RORB: variants seen among roughly 807,000 people sequenced by gnomAD.
The protein encoded by RORB is RAR related orphan receptor B, also known as nuclear receptor ROR-beta.
RORB carries 6 observed loss-of-function variants against 59.1 expected under a neutral mutation model. The ratio of observed to expected loss-of-function variants is 0.10; its 90% CI spans 0.06 to 0.20. The LOEUF is 0.20. Ranked by LOEUF, RORB falls within the 10% of genes least tolerant of loss-of-function variation. The pLI, the probability that RORB is intolerant of heterozygous loss-of-function variation, is 1.00. For missense variants in RORB, 320 were observed against 560.5 expected (o/e 0.57, Z 4.33); for synonymous variants, 215 against 204.5 (o/e 1.05, Z -0.44).
chr9:74,581,225 C>T (rs919163614), intron 1 of RORB, among the ~76,000 whole-genome samples: 4 of 152,060 alleles, frequency 2.6e-5, no homozygotes, highest in Non-Finnish European at 2.9e-5. Context: ...GAAAAGTCTC[C>T]GTGCAATCTC....
chr9:74,510,972 T>A (rs748626868), intron 1 of RORB, among the ~76,000 whole-genome samples: 6 of 152,140 alleles, frequency 3.9e-5, no homozygotes, highest in Non-Finnish European at 7.4e-5. Flanking sequence ...AATATCATAC[T>A]CTTTAGCCCA....
intron 1 of RORB, among the ~76,000 whole-genome samples, chr9:74,601,584 A>G (rs573552590): frequency 6.6e-6 from 1 of 152,154 alleles, no homozygotes; most frequent in African/African-American, 2.4e-5. Flanking sequence ...TGGAAGTTTA[A>G]AAAAGATTAC....
chr9:74,542,076 T>TAA lies in RORB; in HGVS notation c.7+44101_7+44102dup, dbSNP rs113424318. On this transcript the variant is annotated intron_variant, in intron 1 of 9. Transcript: ENST00000376896. ...TATCTTGAAGCAAATGCAATCCTCTTAAAAAAAAATGAAACTTCAATCCAG... is the reference window on the plus strand; with the variant it reads ...TATCTTGAAGCAAATGCAATCCTCTTAAAAAAAAAAATGAAACTTCAATCCAG... Among the ~76,000 whole-genome samples the TAA allele has an allele frequency of 7.9e-4, 119 of 150,934 alleles. 1 individual carries two copies. Among genetic ancestry groups the TAA allele is most frequent in the African/African-American group, 2.8e-3 (116 of 41,122 alleles).
At chr9:74,576,106 G>A (rs562422457) in intron 1 of RORB, among the ~76,000 whole-genome samples, 1 of 152,082 alleles carries the variant, frequency 6.6e-6, no homozygotes, top group African/African-American at 2.4e-5. Flanking sequence ...TCAAGTACAT[G>A]ATTAAGTTGC....
chr9:74,648,901 C>T (rs1307412032), intron 4 of RORB, among the ~76,000 whole-genome samples: 1 of 152,060 alleles, frequency 6.6e-6, no homozygotes, highest in Non-Finnish European at 1.5e-5. Flanking sequence ...CCCTAGTTCA[C>T]TACAACCTGA....
At chr9:74,667,965 A>G (rs1179857817) in intron 8 of RORB, 64 bp downstream of exon 8, 1 of 972,214 alleles carries the variant, frequency 1.0e-6, no homozygotes, top group African/African-American at 1.6e-5. Context: ...AACACTGATG[A>G]CACCTGCCTA....
chr9:74,571,435 G>C (rs1822549967), intron 1 of RORB, among the ~76,000 whole-genome samples: 2 of 149,436 alleles, frequency 1.3e-5, no homozygotes, highest in Admixed American at 6.7e-5. Flanking sequence ...TTAATTACTA[G>C]AGTTGGGGAA....
chr9:74,671,985 C>A, intron 9 of RORB, 84 bp downstream of exon 9: 2 of 697,918 alleles, frequency 2.9e-6, no homozygotes, highest in Non-Finnish European at 4.8e-6. Context: ...AGGGAAATTT[C>A]TCAGCAGCAA....
At chr9:74,567,418 T>C (rs997436637) in intron 1 of RORB, among the ~76,000 whole-genome samples, 26 of 152,184 alleles carry the variant, frequency 1.7e-4, no homozygotes, top group Admixed American at 1.4e-3. Flanking sequence ...CAAGACAACA[T>C]TGAATTGAAC....
At chr9:74,622,241 G>T (rs868553315) in intron 1 of RORB, among the ~76,000 whole-genome samples, 18 of 151,890 alleles carry the variant, frequency 1.2e-4, no homozygotes, top group Admixed American at 3.9e-4. Flanking sequence ...AGAGAAAGGG[G>T]TTTAGAAAAA....
At chr9:74,622,810 C>T (rs571596816) in intron 1 of RORB, among the ~76,000 whole-genome samples, 1 of 152,204 alleles carries the variant, frequency 6.6e-6, no homozygotes, top group African/African-American at 2.4e-5. Context: ...CAGGCATGAG[C>T]CACCGTGCCC....
chr9:74,678,159 A>G (rs1018478300), intron 9 of RORB, among the ~76,000 whole-genome samples: 5 of 152,190 alleles, frequency 3.3e-5, no homozygotes, highest in African/African-American at 1.2e-4. Flanking sequence ...TGAAACTTCA[A>G]GTGATTACAT....
At chr9:74,623,691 G>A (rs112864098) in intron 1 of RORB, among the ~76,000 whole-genome samples, 8 of 152,248 alleles carry the variant, frequency 5.3e-5, no homozygotes, top group South Asian at 2.1e-4. Context: ...TGAGTGAGTC[G>A]TGGTAGTCTG....
Position 74,506,708 on chromosome 9 carries a change from C to G in RORB, c.7+8725C>G, listed in dbSNP as rs957031945. Among the ~76,000 whole-genome samples, 3 of 152,092 alleles carry G rather than the reference C, an allele frequency of 2.0e-5. No homozygotes were observed. In the East Asian group the frequency reaches 5.8e-4, roughly 29 times the overall value. On this transcript the variant is annotated intron_variant, in intron 1 of 9. Transcript: ENST00000376896. The stretch of plus-strand genomic sequence containing the variant: ...ACTTGCAGGCAGCCAAACTGTCACT[C>G]TTGGCCATAACCCTCTGCATTAGCA...
At chr9:74,604,320 A>G (rs1823116489) in intron 1 of RORB, among the ~76,000 whole-genome samples, 1 of 152,226 alleles carries the variant, frequency 6.6e-6, no homozygotes, top group African/African-American at 2.4e-5. Flanking sequence ...GAAAATCAGA[A>G]TAAGCACTTT....
At chr9:74,566,290 C>A (rs1300576194) in intron 1 of RORB, among the ~76,000 whole-genome samples, 1 of 151,866 alleles carries the variant, frequency 6.6e-6, no homozygotes, top group Non-Finnish European at 1.5e-5. Context: ...AAGTTAGAAT[C>A]TCAAAGTCAT....
At chr9:74,603,730 A>C (rs926622014) in intron 1 of RORB, among the ~76,000 whole-genome samples, 1 of 152,232 alleles carries the variant, frequency 6.6e-6, no homozygotes, top group African/African-American at 2.4e-5. Flanking sequence ...ACATGTTATT[A>C]GATAGTTTAT....
In RORB at chr9:74,692,826, A is replaced by G. The variant is rs1824767403; in HGVS notation, c.*7208A>G. The G allele has an allele frequency of 6.6e-6, 1 of 152,328 alleles. No individual in the cohort carries two copies. Among genetic ancestry groups the G allele is most frequent in the Admixed American group, 6.5e-5 (1 of 15,296 alleles). 9.4% of individuals were successfully genotyped at this position (152,328 alleles called of 1,614,324 possible). A position where few individuals can be genotyped will look rare whatever the true frequency, so the allele number is the denominator to read the frequency against. The stretch of plus-strand genomic sequence containing the variant: ...ACCCAGTGACATATATAGTTTTAAA[A>G]TCTACAATTTTCTGATCTCTCTCTC... On this transcript the variant is annotated 3_prime_UTR_variant, in exon 10 of 10. Transcript: ENST00000376896.
chr9:74,647,678 T>A (rs1340631517), intron 4 of RORB, among the ~76,000 whole-genome samples: 1 of 152,204 alleles, frequency 6.6e-6, no homozygotes, highest in Non-Finnish European at 1.5e-5. Flanking sequence ...TTTTTAAAAA[T>A]TCACCTATTA....
Sources: allele counts gnomAD v4.1 joint callset (sites outside exome capture counted in the v4.1 genomes callset), GRCh38; gene constraint gnomAD v4.1.1; transcripts MANE v1.5; gene names NCBI Gene and HGNC (gene_info 2026-07-23, HGNC 2026-07-21).